EML4: variants seen among roughly 807,000 people sequenced by gnomAD.
EML4 encodes the protein EMAP like 4.
A neutral mutation model predicts 129.0 loss-of-function variants in EML4; 72 were observed. That is an observed-to-expected ratio of 0.56 (90% CI 0.46 to 0.68). The LOEUF (loss-of-function observed/expected upper bound fraction) is 0.68, where lower values mean the gene tolerates loss of function less well. EML4 is among the 30% of genes least tolerant of loss of function. The pLI is 0.00. For synonymous variants in EML4, 532 were observed against 405.0 expected (o/e 1.31, Z -3.77); for missense variants, 1,363 against 1,190.6 (o/e 1.14, Z -2.13).
Position 42,274,357 on chromosome 2 carries a change from C to T in EML4, c.668-6493C>T, listed in dbSNP as rs184686833. Among the ~76,000 whole-genome samples, 13 of 152,332 alleles carry T rather than the reference C, an allele frequency of 8.5e-5. No homozygotes were observed. The East Asian group carries it at 2.5e-3, about 29-fold the overall frequency. The stretch of plus-strand genomic sequence containing the variant: ...GCAATCTAAACGTTCAGAAGGCTTT[C>T]TACAGGTAGTACCCATTACACAAAT... On this transcript the variant is annotated intron_variant, in intron 6 of 22. Transcript: ENST00000318522.
At chr2:42,249,841 A>T (rs185755198) in intron 2 of EML4, among the ~76,000 whole-genome samples, 31 of 152,268 alleles carry the variant, frequency 2.0e-4, no homozygotes, top group Admixed American at 5.9e-4. Context: ...TTTTTCATAT[A>T]CCTTCTCCTC....
intron 2 of EML4, among the ~76,000 whole-genome samples, chr2:42,247,533 T>C (rs926965967): frequency 3.9e-5 from 6 of 152,108 alleles, no homozygotes; most frequent in Non-Finnish European, 8.8e-5. Context: ...GAAGAAAGGA[T>C]TGATCTTTTT....
chr2:42,225,410 C>T (rs1485519888), intron 1 of EML4, among the ~76,000 whole-genome samples: 1 of 152,126 alleles, frequency 6.6e-6, no homozygotes, highest in Non-Finnish European at 1.5e-5. Context: ...TGTTCATGTG[C>T]TTATTGATAA....
intron 13 of EML4, among the ~76,000 whole-genome samples, chr2:42,299,274 AT>A (rs984930863): frequency 6.6e-6 from 1 of 152,012 alleles, no homozygotes; most frequent in Non-Finnish European, 1.5e-5. Context: ...CTGAGACATA[AT>A]TTTTTTTAGG....
chr2:42,239,005 G>A (rs111884923), intron 1 of EML4, among the ~76,000 whole-genome samples: 179 of 152,282 alleles, frequency 1.2e-3, no homozygotes, highest in Middle Eastern at 3.4e-3. Flanking sequence ...CTCGGCTCAC[G>A]CAATCATCCT....
chr2:42,262,775 T>C (rs1338181603), intron 4 of EML4, among the ~76,000 whole-genome samples: 1 of 152,210 alleles, frequency 6.6e-6, no homozygotes, highest in African/African-American at 2.4e-5. Flanking sequence ...CCATATGTAA[T>C]GTAATTACCT....
intron 1 of EML4, among the ~76,000 whole-genome samples, chr2:42,190,099 A>T (rs1466348304): frequency 6.6e-6 from 1 of 152,204 alleles, no homozygotes; most frequent in Non-Finnish European, 1.5e-5. Context: ...TGTTAAAAGA[A>T]AGCAGAAATA....
intron 20 of EML4, 85 bp downstream of exon 20, chr2:42,325,639 T>TATATAA: frequency 5.1e-6 from 1 of 197,568 alleles, no homozygotes; most frequent in Non-Finnish European, 9.2e-6. Context: ...TATATATATA[T>TATATAA]GCTAAGATGT....
intron 6 of EML4, among the ~76,000 whole-genome samples, chr2:42,266,094 T>A (rs1381000879): frequency 3.3e-5 from 5 of 152,216 alleles, no homozygotes; most frequent in Non-Finnish European, 7.3e-5. Context: ...AAAGCTTTTT[T>A]TAGAGATTTA....
At chr2:42,282,697 A>G (rs954286674) in intron 7 of EML4, 126 bp from the exon 8 acceptor site, 41 of 847,810 alleles carry the variant, frequency 4.8e-5, no homozygotes, top group Non-Finnish European at 6.7e-5. Flanking sequence ...CGTCCAGGAC[A>G]TGAGTTTTCT....
rs1262603333 is a variant in EML4 at position 42,247,243 on chromosome 2, GATAACTGTGA to G, written c.208+1560_208+1569del. 4.9e-4 allele frequency among the ~76,000 whole-genome samples: 74 copies of G among 152,236 alleles called. 1 individual carries two copies. Among genetic ancestry groups the G allele is most frequent in the Non-Finnish European group, 1.8e-4 (12 of 68,034 alleles). ...TTTGAGAACCACAACTTCTAGCCCT[GATAACTGTGA>G]ATATATATCGAGATAATGATAACCT... On this transcript the variant is annotated intron_variant, in intron 2 of 22. Coordinates refer to ENST00000318522, the MANE Select transcript of EML4 (RefSeq NM_019063.5).
At chr2:42,305,132 C>T (rs1276441829) in intron 17 of EML4, among the ~76,000 whole-genome samples, 1 of 151,856 alleles carries the variant, frequency 6.6e-6, no homozygotes, top group Non-Finnish European at 1.5e-5. Context: ...AATAATAAGG[C>T]GAGTTGCAGT....
chr2:42,293,938 C>T (rs367995334), intron 11 of EML4, among the ~76,000 whole-genome samples: 25 of 152,268 alleles, frequency 1.6e-4, no homozygotes, highest in African/African-American at 4.8e-4. Flanking sequence ...GAAATGCTTC[C>T]GTACACGTAA....
At chr2:42,231,918 C>G (rs988000679) in intron 1 of EML4, among the ~76,000 whole-genome samples, 2 of 151,630 alleles carry the variant, frequency 1.3e-5, no homozygotes, top group African/African-American at 4.9e-5. Flanking sequence ...CACTGCATTC[C>G]AGCCTGGGCA....
intron 2 of EML4, among the ~76,000 whole-genome samples, chr2:42,249,197 A>G (rs1055276857): frequency 1.3e-5 from 2 of 152,218 alleles, no homozygotes; most frequent in Admixed American, 6.5e-5. Flanking sequence ...GAAGTTTTTC[A>G]TAACATTAAA....
At chr2:42,285,297 C>G (rs1667229637) in intron 9 of EML4, among the ~76,000 whole-genome samples, 1 of 152,132 alleles carries the variant, frequency 6.6e-6, no homozygotes, top group African/African-American at 2.4e-5. Context: ...GTTTGTATAA[C>G]AAATACCTTA....
chr2:42,171,416 T>C (rs1670272000), intron 1 of EML4, among the ~76,000 whole-genome samples: 1 of 152,248 alleles, frequency 6.6e-6, no homozygotes, highest in South Asian at 2.1e-4. Context: ...TGTAAGTGTT[T>C]AGGAGGAGTC....
intron 2 of EML4, among the ~76,000 whole-genome samples, chr2:42,249,032 C>T (rs981384435): frequency 6.6e-6 from 1 of 152,076 alleles, no homozygotes; most frequent in Non-Finnish European, 1.5e-5. Flanking sequence ...TATAGCATAT[C>T]GTTGAAAGCA....
At chr2:42,304,964 C>G (rs756817540) in intron 17 of EML4, among the ~76,000 whole-genome samples, 4 of 152,010 alleles carry the variant, frequency 2.6e-5, no homozygotes, top group Admixed American at 6.6e-5. Context: ...ACTAAAAATA[C>G]AAAAATTAGC....
Sources: gnomAD v4.1 joint callset for allele counts (sites outside exome capture counted in the v4.1 genomes callset) on GRCh38, gnomAD v4.1.1 for gene constraint, MANE v1.5 for transcripts, NCBI Gene and HGNC (gene_info 2026-07-23, HGNC 2026-07-21) for gene names.